The following CLVS1 variants were observed in gnomAD, a reference collection of about 807,000 sequenced individuals.
CLVS1 encodes clavesin-1.
CLVS1 carries 10 observed loss-of-function variants against 33.1 expected under a neutral mutation model. That is an observed-to-expected ratio of 0.30 (90% CI 0.19 to 0.51). The LOEUF is 0.51. Among genes scored for constraint, CLVS1 ranks in the 20% least tolerant of loss-of-function variants. CLVS1 has a pLI of 0.97. For missense variants in CLVS1, 343 were observed against 433.4 expected (o/e 0.79, Z 1.85); for synonymous variants, 163 against 166.1 (o/e 0.98, Z 0.14).
intron 5 of CLVS1, among the ~76,000 whole-genome samples, chr8:61,485,096 T>G (rs4738896): frequency 0.57 from 85,561 of 151,270 alleles, 27,744 homozygotes; most frequent in Non-Finnish European, 0.72. Context: ...TGACAAATGG[T>G]ATCTAATTAA....
chr8:61,289,146 T>C (rs1182666926), intron 1 of CLVS1, among the ~76,000 whole-genome samples: 2 of 152,246 alleles, frequency 1.3e-5, no homozygotes, highest in Non-Finnish European at 2.9e-5. Flanking sequence ...AGTCAAGGAC[T>C]GGCTCAGATT....
intron 1 of CLVS1, among the ~76,000 whole-genome samples, chr8:61,069,107 T>C (rs887836957): frequency 1.3e-5 from 2 of 152,032 alleles, no homozygotes; most frequent in East Asian, 3.9e-4. Context: ...GTTGGAATTA[T>C]AGGTGCGCAC....
chr8:61,416,738 A>G (rs1252837066), intron 3 of CLVS1, among the ~76,000 whole-genome samples: 2 of 152,214 alleles, frequency 1.3e-5, no homozygotes, highest in Non-Finnish European at 2.9e-5. Context: ...GAAAAGGGGT[A>G]ACCTGAGCAA....
intron 1 of CLVS1, among the ~76,000 whole-genome samples, chr8:61,069,068 G>A (rs1341436039): frequency 6.6e-6 from 1 of 152,136 alleles, no homozygotes; most frequent in Non-Finnish European, 1.5e-5. Context: ...CCAAGTTCAA[G>A]TGATTCTCCT....
chr8:61,479,836 G>T (rs538219204), intron 5 of CLVS1, among the ~76,000 whole-genome samples: 13 of 152,034 alleles, frequency 8.6e-5, no homozygotes, highest in Admixed American at 2.0e-4. Flanking sequence ...GTTGGAGTTT[G>T]CTGGAAGTCC....
At chr8:61,392,934 A>G (rs747085629) in intron 3 of CLVS1, among the ~76,000 whole-genome samples, 3 of 151,836 alleles carry the variant, frequency 2.0e-5, no homozygotes, top group Admixed American at 6.6e-5. Flanking sequence ...CCCAGGCTGG[A>G]GTGCAATTGT....
chr8:61,105,075 C>CT (rs1805510529), intron 1 of CLVS1, among the ~76,000 whole-genome samples: 1 of 152,178 alleles, frequency 6.6e-6, no homozygotes, highest in Non-Finnish European at 1.5e-5. Flanking sequence ...GGTGATCCAC[C>CT]TGCCTCACCC....
chr8:61,381,904 A>C (rs558447847), intron 3 of CLVS1, among the ~76,000 whole-genome samples: 39 of 152,254 alleles, frequency 2.6e-4, no homozygotes, highest in African/African-American at 8.9e-4. Context: ...GAACATATGC[A>C]TGCATGTGCC....
At chr8:61,204,895 A>G (rs1001293833) in intron 2 of CLVS1, among the ~76,000 whole-genome samples, 13 of 152,208 alleles carry the variant, frequency 8.5e-5, no homozygotes, top group Non-Finnish European at 1.8e-4. Flanking sequence ...AAATTTGTAA[A>G]CTGCCATTTG....
At chr8:61,034,562 CT>C in the CLVS1 span, among the ~76,000 whole-genome samples, 2 of 152,106 alleles carry the variant, frequency 1.3e-5, no homozygotes, top group Admixed American at 1.3e-4. Context: ...CACCATTCCC[CT>C]CTCTGCTTGT....
intron 1 of CLVS1, among the ~76,000 whole-genome samples, chr8:61,092,701 C>G (rs1039274682): frequency 6.6e-6 from 1 of 152,200 alleles, no homozygotes; most frequent in Non-Finnish European, 1.5e-5. Context: ...TCTGACTCCT[C>G]TTCTACATTT....
At chr8:61,190,956 C>G (rs1486133633) in intron 2 of CLVS1, among the ~76,000 whole-genome samples, 2 of 152,166 alleles carry the variant, frequency 1.3e-5, no homozygotes, top group Non-Finnish European at 2.9e-5. Context: ...CAACGAAGAG[C>G]TGGTACCATT....
rs1425041543 is a variant in CLVS1, at chr8:61,077,450, T to G, written c.-243+20220T>G. On this transcript the variant is annotated intron_variant, in intron 1 of 2. Transcript: ENST00000522621. ...AAGGGACCCTCTAAAAGTATTATTATTATTATTATTATTATTATTATTATT... is the reference window on the plus strand; with the variant it reads ...AAGGGACCCTCTAAAAGTATTATTAGTATTATTATTATTATTATTATTATT... 5.5e-3 allele frequency among the ~76,000 whole-genome samples: 323 copies of G among 59,074 alleles called. 1 individual carries two copies. The highest frequency in any genetic ancestry group is 7.7e-3 in the Admixed American group (49 of 6,326). 38.8% of individuals were successfully genotyped at this position (59,074 alleles called of 152,430 possible).
intron 2 of CLVS1, among the ~76,000 whole-genome samples, chr8:61,272,997 CA>C (rs1809478778): frequency 6.6e-6 from 1 of 150,880 alleles, no homozygotes; most frequent in Admixed American, 6.6e-5. Context: ...CTCAGCTCGT[CA>C]AAGTCATTCT....
chr8:61,404,710 G>A (rs1018768575), intron 3 of CLVS1, among the ~76,000 whole-genome samples: 27 of 152,148 alleles, frequency 1.8e-4, no homozygotes, highest in Non-Finnish European at 3.5e-4. Context: ...TGCAGGGAGG[G>A]AATTTGTCCA....
At chr8:60,999,432 G>A in the CLVS1 span, among the ~76,000 whole-genome samples, 1 of 152,174 alleles carries the variant, frequency 6.6e-6, no homozygotes, top group South Asian at 2.1e-4. Context: ...CAGAAGACCT[G>A]GCTCTGACCT....
chr8:61,234,810 A>C (rs1808521818), intron 2 of CLVS1, among the ~76,000 whole-genome samples: 1 of 152,146 alleles, frequency 6.6e-6, no homozygotes. Context: ...GGATGCTCAG[A>C]GCTCACAGGC....
chr8:61,283,840 G>C (rs904687338), upstream of CLVS1, among the ~76,000 whole-genome samples: 3 of 152,134 alleles, frequency 2.0e-5, no homozygotes, highest in Non-Finnish European at 4.4e-5. Flanking sequence ...CTGGTGGTTG[G>C]CAACACATGG....
the CLVS1 span, among the ~76,000 whole-genome samples, chr8:61,001,964 G>A: frequency 4.6e-5 from 7 of 151,794 alleles, no homozygotes; most frequent in Middle Eastern, 6.8e-3. Flanking sequence ...TTTAAAGCAT[G>A]TTGTGCCTTC....
Sources: allele counts gnomAD v4.1 joint callset (sites outside exome capture counted in the v4.1 genomes callset), GRCh38; gene constraint gnomAD v4.1.1; transcripts MANE v1.5; gene names NCBI Gene and HGNC (gene_info 2026-07-23, HGNC 2026-07-21).